DIS3L2: variants seen among roughly 807,000 people sequenced by gnomAD.
DIS3L2 encodes the protein DIS3-like exonuclease 2.
A neutral mutation model predicts 97.5 loss-of-function variants in DIS3L2; 34 were observed. That is an observed-to-expected ratio of 0.35 (90% CI 0.27 to 0.46). The LOEUF (loss-of-function observed/expected upper bound fraction) is 0.46, where lower values mean the gene tolerates loss of function less well. Ranked by LOEUF, DIS3L2 falls within the 20% of genes least tolerant of loss-of-function variation. The pLI is 1.00. For synonymous variants in DIS3L2, 435 were observed against 445.2 expected (o/e 0.98, Z 0.29); for missense variants, 1,038 against 1,146.0 (o/e 0.91, Z 1.36).
At chr2:232,305,832 G>A (rs933262308) in intron 14 of DIS3L2, among the ~76,000 whole-genome samples, 1 of 152,100 alleles carries the variant, frequency 6.6e-6, no homozygotes, top group Non-Finnish European at 1.5e-5. Context: ...GCACACACCT[G>A]TAAGACCAGC....
At chr2:232,234,640 T>A (rs1197835719) in intron 10 of DIS3L2, among the ~76,000 whole-genome samples, 2 of 152,234 alleles carry the variant, frequency 1.3e-5, no homozygotes, top group Admixed American at 1.3e-4. Flanking sequence ...GTCTTTATTA[T>A]TTTTATGATC....
intron 10 of DIS3L2, among the ~76,000 whole-genome samples, chr2:232,232,735 C>A (rs1276290067): frequency 6.6e-6 from 1 of 152,124 alleles, no homozygotes; most frequent in East Asian, 1.9e-4. Flanking sequence ...ACTTTGTATA[C>A]ATCAATCTGA....
chr2:232,284,736 C>T (rs1364342404), intron 13 of DIS3L2, among the ~76,000 whole-genome samples: 1 of 152,132 alleles, frequency 6.6e-6, no homozygotes, highest in Non-Finnish European at 1.5e-5. Flanking sequence ...CGTTCAGATC[C>T]TTGCTGTCCT....
At chr2:231,999,341 T>C (rs1479364224) in intron 1 of DIS3L2, among the ~76,000 whole-genome samples, 1 of 152,210 alleles carries the variant, frequency 6.6e-6, no homozygotes, top group Non-Finnish European at 1.5e-5. Context: ...ATATGCTCAT[T>C]GCTACTGGAA....
chr2:232,149,144 C>G, intron 8 of DIS3L2, among the ~76,000 whole-genome samples: 1 of 150,270 alleles, frequency 6.7e-6, no homozygotes, highest in Non-Finnish European at 1.5e-5. Flanking sequence ...AAAAGATACC[C>G]TGCACCAGCT....
chr2:232,340,529 G>A (rs1166116652), downstream of DIS3L2, among the ~76,000 whole-genome samples: 1 of 152,246 alleles, frequency 6.6e-6, no homozygotes, highest in East Asian at 1.9e-4. Context: ...CTCTGGGCCA[G>A]GACCAGGCCT....
chr2:232,061,786 A>G (rs1384601419), intron 5 of DIS3L2, among the ~76,000 whole-genome samples: 1 of 152,162 alleles, frequency 6.6e-6, no homozygotes, highest in African/African-American at 2.4e-5. Context: ...TGAATTAGAA[A>G]TGATGTTGGG....
chr2:232,340,078 G>A (rs1696071666), downstream of DIS3L2, among the ~76,000 whole-genome samples: 1 of 152,210 alleles, frequency 6.6e-6, no homozygotes, highest in Admixed American at 6.5e-5. Flanking sequence ...CATTACTATA[G>A]GCGGAGAGTG....
At chr2:232,106,749 G>A (rs1697367475) in intron 6 of DIS3L2, among the ~76,000 whole-genome samples, 1 of 152,118 alleles carries the variant, frequency 6.6e-6, no homozygotes, top group Non-Finnish European at 1.5e-5. Flanking sequence ...GGATCAAGTG[G>A]ACCTGATAGA....
intron 14 of DIS3L2, among the ~76,000 whole-genome samples, chr2:232,315,152 C>A (rs1156838276): frequency 6.6e-6 from 1 of 152,182 alleles, no homozygotes; most frequent in Non-Finnish European, 1.5e-5. Flanking sequence ...AGGCCAGGTC[C>A]CTGTTTGATG....
At position 232,120,804 on chromosome 2, in the gene DIS3L2, TC is replaced by T. The variant is rs60195965; in HGVS notation, c.602-9813del. On this transcript the variant is annotated intron_variant, in intron 6 of 20. Transcript: ENST00000325385. ...ATGGCTTATGTCTAATCTCCTCCCC[TC>T]CTGCATTTATTTCGATACAATGAAG... 8.9e-3 allele frequency among the ~76,000 whole-genome samples: 1,348 copies of T among 152,140 alleles called. 16 individuals are homozygous for T. Among genetic ancestry groups the T allele is most frequent in the African/African-American group, 0.031 (1,303 of 41,508 alleles).
chr2:232,226,938 C>G (rs1354119282), intron 10 of DIS3L2, among the ~76,000 whole-genome samples: 1 of 151,980 alleles, frequency 6.6e-6, no homozygotes, highest in African/African-American at 2.4e-5. Context: ...CCACTGCACT[C>G]CAACTTGGGT....
chr2:232,139,937 G>T (rs1267641594), intron 8 of DIS3L2, among the ~76,000 whole-genome samples: 2 of 152,086 alleles, frequency 1.3e-5, no homozygotes, highest in Non-Finnish European at 2.9e-5. Context: ...TTAGAAATAG[G>T]GCATGAGGGA....
At chr2:232,267,343 G>A (rs1693879456) in intron 13 of DIS3L2, among the ~76,000 whole-genome samples, 1 of 152,188 alleles carries the variant, frequency 6.6e-6, no homozygotes, top group Non-Finnish European at 1.5e-5. Context: ...GTTCAACCTA[G>A]TTCTAAAGAG....
chr2:232,156,009 C>G (rs1051029521), intron 8 of DIS3L2, among the ~76,000 whole-genome samples: 3 of 151,696 alleles, frequency 2.0e-5, no homozygotes, highest in Non-Finnish European at 2.9e-5. Flanking sequence ...AAAAAGTTTT[C>G]TATTCCAAAG....
At chr2:232,132,150 C>T (rs1026271612) in intron 7 of DIS3L2, among the ~76,000 whole-genome samples, 1 of 152,034 alleles carries the variant, frequency 6.6e-6, no homozygotes, top group African/African-American at 2.4e-5. Flanking sequence ...AACATGTTTT[C>T]CCTCTCCCTT....
chr2:232,320,767 C>A (rs751953125), intron 14 of DIS3L2, among the ~76,000 whole-genome samples: 3 of 152,212 alleles, frequency 2.0e-5, no homozygotes, highest in Non-Finnish European at 4.4e-5. Flanking sequence ...TTTGTTCCCC[C>A]AAACATTTCA....
At chr2:232,107,256 A>G (rs1697381221) in intron 6 of DIS3L2, among the ~76,000 whole-genome samples, 3 of 152,230 alleles carry the variant, frequency 2.0e-5, no homozygotes. Context: ...AACCAAGATC[A>G]GAGCTGAACT....
chr2:232,052,211 A>G (rs1400998094), intron 5 of DIS3L2, among the ~76,000 whole-genome samples: 1 of 152,032 alleles, frequency 6.6e-6, no homozygotes, highest in Admixed American at 6.6e-5. Flanking sequence ...TTTAGTAGAG[A>G]CGGGGTTTTG....
Sources: allele counts gnomAD v4.1 joint callset (sites outside exome capture counted in the v4.1 genomes callset), GRCh38; gene constraint gnomAD v4.1.1; transcripts MANE v1.5; gene names NCBI Gene and HGNC (gene_info 2026-07-23, HGNC 2026-07-21).